Variants in KIAA1549L observed in about 807,000 individuals in gnomAD.
KIAA1549L encodes the protein KIAA1549 like.
Under a neutral mutation model 160.7 loss-of-function variants are expected in KIAA1549L, and 88 were observed. The observed-to-expected ratio is 0.55, with a 90% CI of 0.46 to 0.65. KIAA1549L has a LOEUF of 0.65. Ranked by LOEUF, KIAA1549L falls within the 30% of genes least tolerant of loss-of-function variation. The pLI is 0.00. For synonymous variants in KIAA1549L, 950 were observed against 976.7 expected (o/e 0.97, Z 0.51); for missense variants, 2,258 against 2,437.5 (o/e 0.93, Z 1.55).
chr11:33,663,869 G>A (rs1852349939), intron 20 of KIAA1549L, among the ~76,000 whole-genome samples: 1 of 152,172 alleles, frequency 6.6e-6, no homozygotes, highest in African/African-American at 2.4e-5. Context: ...CTGTTACGCT[G>A]GAGAAAGTGC....
At chr11:33,619,838 C>T (rs192687641) in intron 16 of KIAA1549L, among the ~76,000 whole-genome samples, 65 of 152,166 alleles carry the variant, frequency 4.3e-4, no homozygotes, top group Admixed American at 1.5e-3. Flanking sequence ...ATTTCCTATG[C>T]GAAATTCATT....
chr11:33,672,858 T>G lies in KIAA1549L; in HGVS notation c.*4704T>G, dbSNP rs376920138. ...ATAAATACTTGTAAATTGAATTGCATGATCTTAGCTCAGGTGCTACTAATG... is the reference window on the plus strand; with the variant it reads ...ATAAATACTTGTAAATTGAATTGCAGGATCTTAGCTCAGGTGCTACTAATG... On this transcript the variant is annotated 3_prime_UTR_variant, in exon 21 of 21. Coordinates refer to ENST00000658780, the MANE Select transcript of KIAA1549L (RefSeq NM_012194.3). The G allele has an allele frequency of 2.3e-4, 35 of 153,814 alleles. No homozygotes were observed. Among genetic ancestry groups the G allele is most frequent in the Non-Finnish European group, 4.7e-4 (32 of 68,054 alleles). The allele number at this position is 153,814 out of a possible 1,614,324, so 9.5% of individuals were successfully genotyped here.
intron 20 of KIAA1549L, chr11:33,665,464 G>A (rs564928325): frequency 2.6e-4 from 40 of 152,428 alleles, no homozygotes; most frequent in African/African-American, 9.4e-4. Context: ...GCATGTCTCT[G>A]AAGCTCTCAG....
intron 1 of KIAA1549L, among the ~76,000 whole-genome samples, chr11:33,397,568 C>T (rs905821211): frequency 6.6e-5 from 10 of 151,380 alleles, no homozygotes; most frequent in Non-Finnish European, 8.8e-5. Flanking sequence ...AAAAATTAGC[C>T]GGACGTGGTG....
At position 33,561,689 on chromosome 11, in the gene KIAA1549L, CA is replaced by C. The variant is rs757218072; in HGVS notation, c.4034del (p.Asn1345ThrfsTer13). 6.2e-7 allele frequency: 1 copy of C among 1,608,686 alleles called. No individual in the cohort carries two copies. Among genetic ancestry groups the C allele is most frequent in the African/African-American group, 1.3e-5 (1 of 74,956 alleles). On this transcript the variant is annotated frameshift_variant, in exon 8 of 21. Coordinates refer to ENST00000658780, the MANE Select transcript of KIAA1549L (RefSeq NM_012194.3). LOFTEE classifies it high-confidence loss of function. ...TATTTGTTTTAGCACTGGAATATCC[CA>C]ACCTTGACATATCAGAAACAACCAG... ...LTIAEPLEYPNLDISETTRDY... is the reference protein window; with the variant it reads ...LTIAEPLEYPXLDISETTRDY...
intron 6 of KIAA1549L, among the ~76,000 whole-genome samples, chr11:33,553,200 A>G (rs1199431413): frequency 6.6e-6 from 1 of 152,080 alleles, no homozygotes; most frequent in South Asian, 2.1e-4. Context: ...GAGTCTCCAT[A>G]TATTGCCTAA....
At chr11:33,463,208 G>A (rs1382213246) in intron 1 of KIAA1549L, among the ~76,000 whole-genome samples, 1 of 152,148 alleles carries the variant, frequency 6.6e-6, no homozygotes, top group Admixed American at 6.5e-5. Flanking sequence ...AGAGCTACAT[G>A]CAGTACCATA....
intron 1 of KIAA1549L, among the ~76,000 whole-genome samples, chr11:33,462,847 C>CT (rs1180058540): frequency 5.9e-5 from 9 of 151,626 alleles, no homozygotes; most frequent in Non-Finnish European, 1.2e-4. Flanking sequence ...CTCTCTCTCT[C>CT]TTTTTTTGGT....
chr11:33,659,240 C>T (rs931767626), intron 19 of KIAA1549L, among the ~76,000 whole-genome samples: 3 of 152,130 alleles, frequency 2.0e-5, no homozygotes, highest in Non-Finnish European at 2.9e-5. Context: ...AAGGTGATCC[C>T]GGGCTTCAGG....
At chr11:33,427,502 C>G (rs898671610) in intron 1 of KIAA1549L, among the ~76,000 whole-genome samples, 1 of 152,172 alleles carries the variant, frequency 6.6e-6, no homozygotes, top group Admixed American at 6.5e-5. Context: ...CATCCCCCTT[C>G]GCTGCTATAC....
At chr11:33,406,047 C>A (rs1200588876) in intron 1 of KIAA1549L, among the ~76,000 whole-genome samples, 1 of 152,102 alleles carries the variant, frequency 6.6e-6, no homozygotes, top group African/African-American at 2.4e-5. Flanking sequence ...TTGAATGATT[C>A]TGGCAGTTGG....
At chr11:33,539,133 T>G (rs1268901442) in intron 1 of KIAA1549L, among the ~76,000 whole-genome samples, 2 of 152,246 alleles carry the variant, frequency 1.3e-5, no homozygotes, top group Non-Finnish European at 2.9e-5. Context: ...CTTTCTCCCT[T>G]GGCTTTATGT....
chr11:33,389,778 GC>G (rs1231377718), intron 1 of KIAA1549L, among the ~76,000 whole-genome samples: 1 of 152,208 alleles, frequency 6.6e-6, no homozygotes, highest in Non-Finnish European at 1.5e-5. Flanking sequence ...GGTTGTCGAA[GC>G]TTTCAGTTTC....
intron 20 of KIAA1549L, among the ~76,000 whole-genome samples, chr11:33,661,736 T>C (rs779839559): frequency 6.6e-6 from 1 of 151,890 alleles, no homozygotes; most frequent in Non-Finnish European, 1.5e-5. Flanking sequence ...AAAAATTAGC[T>C]GGGCGTGATG....
intron 1 of KIAA1549L, among the ~76,000 whole-genome samples, chr11:33,536,961 C>T (rs748589119): frequency 1.3e-4 from 20 of 152,174 alleles, no homozygotes; most frequent in Non-Finnish European, 2.5e-4. Flanking sequence ...CTGCTCGCAT[C>T]CTCCCCACCA....
At chr11:33,377,584 A>G (rs1849982913) in intron 1 of KIAA1549L, among the ~76,000 whole-genome samples, 2 of 152,204 alleles carry the variant, frequency 1.3e-5, no homozygotes, top group Non-Finnish European at 2.9e-5. Context: ...GTGTGCTTCA[A>G]AACTTAAGCT....
At chr11:33,432,918 T>G (rs1332598015) in intron 1 of KIAA1549L, among the ~76,000 whole-genome samples, 1 of 152,198 alleles carries the variant, frequency 6.6e-6, no homozygotes, top group East Asian at 1.9e-4. Context: ...CCTTATACCT[T>G]ATGCAAAAAT....
intron 1 of KIAA1549L, among the ~76,000 whole-genome samples, chr11:33,467,741 G>A (rs1239873352): frequency 3.3e-5 from 5 of 152,176 alleles, no homozygotes; most frequent in Non-Finnish European, 7.4e-5. Flanking sequence ...ATAGAGGATG[G>A]CTTTATTTTG....
intron 10 of KIAA1549L, among the ~76,000 whole-genome samples, chr11:33,580,261 C>T (rs1401595573): frequency 6.6e-6 from 1 of 152,138 alleles, no homozygotes; most frequent in East Asian, 1.9e-4. Context: ...TTTACATGGC[C>T]ACCAGACATT....
Sources: gnomAD v4.1 joint callset for allele counts (sites outside exome capture counted in the v4.1 genomes callset) on GRCh38, gnomAD v4.1.1 for gene constraint, MANE v1.5 for transcripts, NCBI Gene and HGNC (gene_info 2026-07-23, HGNC 2026-07-21) for gene names.